The following MRO variants were observed in gnomAD, a reference collection of about 807,000 sequenced individuals.
The protein encoded by MRO is protein maestro.
Under a neutral mutation model 31.0 loss-of-function variants are expected in MRO, and 28 were observed. That is an observed-to-expected ratio of 0.90 (90% CI 0.67 to 1.24). MRO has a LOEUF of 1.24. MRO is among the 50% of genes most tolerant of loss of function. The pLI is 0.00. For synonymous variants in MRO, 108 were observed against 108.4 expected (o/e 1.00, Z 0.02); for missense variants, 332 against 289.2 (o/e 1.15, Z -1.07).
At chr18:50,815,898 G>C (rs1369835370) in intron 2 of MRO, among the ~76,000 whole-genome samples, 1 of 152,124 alleles carries the variant, frequency 6.6e-6, no homozygotes, top group East Asian at 1.9e-4. Context: ...GCTGGGCATG[G>C]TGGCGGGTGC....
chr18:50,815,568 T>C (rs543257640), intron 2 of MRO: 64 of 293,814 alleles, frequency 2.2e-4, no homozygotes, highest in Non-Finnish European at 3.3e-4. Flanking sequence ...GAAATTTTGG[T>C]GGTGGTAACT....
intron 5 of MRO, among the ~76,000 whole-genome samples, chr18:50,804,633 C>T (rs1306723196): frequency 6.6e-6 from 1 of 151,602 alleles, no homozygotes; most frequent in African/African-American, 2.4e-5. Context: ...CTCAAACAGA[C>T]AAAAAAACCC....
chr18:50,801,537 C>A, intron 5 of MRO, 33 bp from the exon 6 acceptor site: 1 of 1,557,366 alleles, frequency 6.4e-7, no homozygotes, highest in South Asian at 1.2e-5. Flanking sequence ...AATAAGAAAG[C>A]CAGATCATTA....
chr18:50,801,310 G>A (rs898107893), intron 6 of MRO, 39 bp downstream of exon 6: 3 of 1,518,254 alleles, frequency 2.0e-6, no homozygotes, highest in Non-Finnish European at 2.7e-6. Context: ...TGAATAGCAT[G>A]GAGATGTCAC....
upstream of MRO, chr18:50,823,582 T>G (rs186789402): frequency 2.0e-5 from 3 of 152,308 alleles, no homozygotes; most frequent in African/African-American, 4.8e-5. Context: ...TGAAAATGGT[T>G]TGCCTATCCC....
chr18:50,809,959 G>T (rs1914325437), intron 2 of MRO, among the ~76,000 whole-genome samples: 1 of 152,120 alleles, frequency 6.6e-6, no homozygotes, highest in African/African-American at 2.4e-5. Context: ...TTTGGGCAGG[G>T]GAAGGGAGAG....
chr18:50,820,866 C>A (rs548597358), upstream of MRO, among the ~76,000 whole-genome samples: 1 of 152,248 alleles, frequency 6.6e-6, no homozygotes, highest in Admixed American at 6.5e-5. Flanking sequence ...AACCAGAGAA[C>A]TATGTCAGAG....
chr18:50,822,700 GC>G (rs1568140826), upstream of MRO, among the ~76,000 whole-genome samples: 1 of 54,188 alleles, frequency 1.8e-5, no homozygotes, highest in Non-Finnish European at 4.3e-5. Context: ...CCCGCCCCCC[GC>G]CCCCCGCCCC....
chr18:50,820,160 AATC>A (rs1915251183), upstream of MRO: 2 of 605,160 alleles, frequency 3.3e-6, no homozygotes, highest in African/African-American at 3.7e-5. Context: ...TTCCTTACAT[AATC>A]CTGTTAGAGC....
At chr18:50,804,001 T>C (rs1325303178) in intron 5 of MRO, among the ~76,000 whole-genome samples, 2 of 151,808 alleles carry the variant, frequency 1.3e-5, no homozygotes, top group East Asian at 1.9e-4. Context: ...CTTAGCCTGA[T>C]TTGTCATCTG....
At position 50,797,832 on chromosome 18, in the gene MRO, C is replaced by A. The variant is rs191418643; in HGVS notation, c.*1505G>T. ...CGTGAGCCTGTGTCCCTCCTAAAAT[C>A]TCTTGCTGTCATGTTCTTCAGATTC... On this transcript the variant is annotated 3_prime_UTR_variant, in exon 8 of 8. Coordinates refer to ENST00000398439, the MANE Select transcript of MRO (RefSeq NM_031939.6). 41 of 152,334 alleles carry A rather than the reference C, an allele frequency of 2.7e-4. No individual in the cohort carries two copies. The East Asian group carries it at 7.5e-3, about 28-fold the overall frequency. 9.4% of individuals were successfully genotyped at this position (152,334 alleles called of 1,614,324 possible).
At position 50,819,988 on chromosome 18, in the gene MRO, TC is replaced by T; in HGVS notation, c.-219del. 6.5e-7 allele frequency: 1 copy of T among 1,549,578 alleles called. No individual in the cohort carries two copies. Among genetic ancestry groups the T allele is most frequent in the Non-Finnish European group, 8.7e-7 (1 of 1,145,516 alleles). Reference sequence around the variant, plus strand: ...CCTCATGCCAGCCTGGTCGACACTTTCTGCAGAAATTCTGCAGATGGCAATT... The same window carrying T: ...CCTCATGCCAGCCTGGTCGACACTTTTGCAGAAATTCTGCAGATGGCAATT... On this transcript the variant is annotated 5_prime_UTR_variant, in exon 1 of 8. Coordinates refer to ENST00000398439, the MANE Select transcript of MRO (RefSeq NM_031939.6).
At chr18:50,807,922 T>C (rs1000156753) in intron 3 of MRO, among the ~76,000 whole-genome samples, 4 of 152,060 alleles carry the variant, frequency 2.6e-5, no homozygotes, top group Admixed American at 1.3e-4. Flanking sequence ...CCCGTCTCTA[T>C]AAAAATACAA....
At chr18:50,801,558 A>G (rs1159149699) in intron 5 of MRO, 54 bp from the exon 6 acceptor site, 1 of 1,520,464 alleles carries the variant, frequency 6.6e-7, no homozygotes, top group Non-Finnish European at 8.9e-7. Context: ...CCAAAAGGCA[A>G]CTGCATCTGA....
rs1483680939 is a variant in MRO at position 50,798,929 on chromosome 18, CAACAAAAA to C, written c.*400_*407del. ...ACACTAAAAAAAAACAAAACAACAA[CAACAAAAA>C]AACAAAAAAACGCTTAAGGTAACAA... On this transcript the variant is annotated 3_prime_UTR_variant, in exon 8 of 8. Coordinates refer to ENST00000398439, the MANE Select transcript of MRO (RefSeq NM_031939.6). The C allele has an allele frequency of 6.5e-4, 97 of 149,288 alleles. No homozygotes were observed. The highest frequency in any genetic ancestry group is 1.1e-3 in the Non-Finnish European group (76 of 68,202). The allele number at this position is 149,288 out of a possible 1,614,324, so 9.2% of individuals were successfully genotyped here.
At position 50,798,103 on chromosome 18, in the gene MRO, T is replaced by C. The variant is rs575359976; in HGVS notation, c.*1234A>G. ...CAAAACGCTCCGGGTGTGGCCTGGA[T>C]ACTGAATTCAGGGGTGGTACCAGAG... On this transcript the variant is annotated 3_prime_UTR_variant, in exon 8 of 8. Coordinates refer to ENST00000398439, the MANE Select transcript of MRO (RefSeq NM_031939.6). The C allele has an allele frequency of 1.3e-5, 2 of 152,260 alleles. No homozygotes were observed. Among genetic ancestry groups the C allele is most frequent in the East Asian group, 3.9e-4 (2 of 5,174 alleles). The allele number at this position is 152,260 out of a possible 1,614,324, so 9.4% of individuals were successfully genotyped here. A position where few individuals can be genotyped will look rare whatever the true frequency, so the allele number is the denominator to read the frequency against.
At chr18:50,810,797 G>A (rs568106850) in intron 2 of MRO, among the ~76,000 whole-genome samples, 1 of 152,294 alleles carries the variant, frequency 6.6e-6, no homozygotes, top group Admixed American at 6.5e-5. Flanking sequence ...CAAGCTCCCA[G>A]GGGATTCCAA....
At chr18:50,819,871 A>C in intron 1 of MRO, 26 bp downstream of exon 1, 1 of 1,547,896 alleles carries the variant, frequency 6.5e-7, no homozygotes, top group Non-Finnish European at 8.7e-7. Flanking sequence ...AGAATATTGT[A>C]GGGTGGCACA....
upstream of MRO, among the ~76,000 whole-genome samples, chr18:50,822,980 A>T (rs2144689995): frequency 6.6e-6 from 1 of 152,138 alleles, no homozygotes; most frequent in Admixed American, 6.5e-5. Context: ...AGCCAAGGAG[A>T]GGAGGTGATA....
Sources: gnomAD v4.1 joint callset for allele counts (sites outside exome capture counted in the v4.1 genomes callset) on GRCh38, gnomAD v4.1.1 for gene constraint, MANE v1.5 for transcripts, NCBI Gene and HGNC (gene_info 2026-07-23, HGNC 2026-07-21) for gene names.